The following LRIF1 variants were observed in gnomAD, a reference collection of about 807,000 sequenced individuals.
The protein encoded by LRIF1 is ligand dependent nuclear receptor interacting factor 1, also known as ligand-dependent nuclear receptor-interacting factor 1.
In LRIF1, 32 loss-of-function variants were observed where a neutral mutation model predicts 52.7. The ratio of observed to expected loss-of-function variants is 0.61; its 90% confidence interval spans 0.46 to 0.82. LRIF1 has a LOEUF of 0.82. LRIF1 is among the 40% of genes least tolerant of loss of function. LRIF1 has a pLI of 0.00. For synonymous variants in LRIF1, 323 were observed against 317.4 expected (o/e 1.02, Z -0.19); for missense variants, 887 against 892.0 (o/e 0.99, Z 0.07).
chr1:110,891,575 T>C, the LRIF1 span: 1 of 839,168 alleles, frequency 1.2e-6, no homozygotes, highest in Non-Finnish European at 2.1e-6. Context: ...GCATGCGTGT[T>C]TGGGTCATGT....
At chr1:110,886,670 G>A in the LRIF1 span, among the ~76,000 whole-genome samples, 1 of 151,802 alleles carries the variant, frequency 6.6e-6, no homozygotes, top group Non-Finnish European at 1.5e-5. Flanking sequence ...CCAACATGGT[G>A]AAACCCTGTC....
At chr1:110,904,393 G>A in the LRIF1 span, among the ~76,000 whole-genome samples, 536 of 152,242 alleles carry the variant, frequency 3.5e-3, 1 homozygote, top group African/African-American at 9.2e-3. Context: ...TGACACAGGC[G>A]TGCTTGTGTC....
At chr1:110,920,438 C>T in the LRIF1 span, among the ~76,000 whole-genome samples, 1 of 152,172 alleles carries the variant, frequency 6.6e-6, no homozygotes, top group Non-Finnish European at 1.5e-5. Context: ...AATGTGAAGG[C>T]TACCTAATGT....
At chr1:110,906,304 G>A in the LRIF1 span, among the ~76,000 whole-genome samples, 2 of 152,220 alleles carry the variant, frequency 1.3e-5, no homozygotes, top group Admixed American at 6.5e-5. Flanking sequence ...CCAGCACTTT[G>A]AGAGGTTGAA....
At chr1:110,899,035 C>T in the LRIF1 span, 8 of 924,924 alleles carry the variant, frequency 8.6e-6, no homozygotes, top group East Asian at 2.5e-5. Flanking sequence ...GTAATGGATA[C>T]ATTCTTTTTC....
Position 110,949,994 on chromosome 1 carries a change from G to T in LRIF1, c.1726C>A (p.Leu576Ile). Residue 576 changes from leucine to isoleucine, a missense_variant, in exon 3 of 4, where the codon CTT (leucine) becomes ATT (isoleucine). Coordinates refer to ENST00000369763, the MANE Select transcript of LRIF1 (RefSeq NM_018372.4). The part of the protein sequence containing the change: ...SDAEFKKIFG[L>I]TKDLRVCLTR... ...AGGCACACTCTCAAATCCTTAGTAA[G>T]GCCAAATATCTTTTTAAATTCAGCA... 1 of 1,614,084 alleles carries T rather than the reference G, an allele frequency of 6.2e-7. No individual in the cohort carries two copies. Among genetic ancestry groups the T allele is most frequent in the Non-Finnish European group, 8.5e-7 (1 of 1,180,012 alleles).
At chr1:110,932,317 C>A in the LRIF1 span, among the ~76,000 whole-genome samples, 1 of 152,116 alleles carries the variant, frequency 6.6e-6, no homozygotes, top group Non-Finnish European at 1.5e-5. Context: ...ATTTCTGATG[C>A]CTCTGTACTG....
chr1:110,923,977 A>T, the LRIF1 span, among the ~76,000 whole-genome samples: 1 of 152,166 alleles, frequency 6.6e-6, no homozygotes, highest in Non-Finnish European at 1.5e-5. Flanking sequence ...GCAAAAATGA[A>T]ATTTTCTGGT....
the LRIF1 span, among the ~76,000 whole-genome samples, chr1:110,895,369 G>A: frequency 2.0e-5 from 3 of 152,200 alleles, no homozygotes; most frequent in African/African-American, 7.2e-5. Flanking sequence ...ACTGAAAACA[G>A]CATTGTATAA....
At chr1:110,954,795 TAA>T (rs1461195549) in intron 1 of LRIF1, among the ~76,000 whole-genome samples, 1 of 152,200 alleles carries the variant, frequency 6.6e-6, no homozygotes, top group Non-Finnish European at 1.5e-5. Flanking sequence ...TCTTATATTT[TAA>T]TTGATTTTTA....
At chr1:110,877,088 T>G in the LRIF1 span, among the ~76,000 whole-genome samples, 381 of 152,338 alleles carry the variant, frequency 2.5e-3, 1 homozygote, top group African/African-American at 8.8e-3. Flanking sequence ...TCTTTAATAT[T>G]CTTTATAGCA....
At chr1:110,963,045 C>T (rs1360122642) in intron 1 of LRIF1, among the ~76,000 whole-genome samples, 1 of 152,136 alleles carries the variant, frequency 6.6e-6, no homozygotes, top group Non-Finnish European at 1.5e-5. Flanking sequence ...TTCATTACAC[C>T]CTACTTCAAA....
chr1:110,898,049 C>T, the LRIF1 span, among the ~76,000 whole-genome samples: 1 of 152,142 alleles, frequency 6.6e-6, no homozygotes, highest in Admixed American at 6.5e-5. Flanking sequence ...ATGTAATTAA[C>T]AATTTGCTTT....
chr1:110,960,856 T>C (rs780726990), intron 1 of LRIF1, among the ~76,000 whole-genome samples: 23 of 152,346 alleles, frequency 1.5e-4, no homozygotes, highest in African/African-American at 3.4e-4. Flanking sequence ...AGGATCCTTA[T>C]ATGTAGATCA....
At chr1:110,893,484 G>A in the LRIF1 span, among the ~76,000 whole-genome samples, 2 of 152,186 alleles carry the variant, frequency 1.3e-5, no homozygotes, top group Admixed American at 6.5e-5. Context: ...CACCATGTCC[G>A]GCTAATTCTG....
At chr1:110,944,591 A>T (rs1658159495), downstream of LRIF1, 1 of 152,274 alleles carries the variant, frequency 6.6e-6, no homozygotes, top group South Asian at 2.1e-4. Context: ...GGGATCAGCA[A>T]GGAGACTGAG....
At chr1:110,902,987 G>A in the LRIF1 span, among the ~76,000 whole-genome samples, 1 of 152,266 alleles carries the variant, frequency 6.6e-6, no homozygotes, top group Non-Finnish European at 1.5e-5. Context: ...CAGCAATTGT[G>A]TGGCACTGAA....
chr1:110,907,502 C>G, the LRIF1 span, among the ~76,000 whole-genome samples: 1 of 152,100 alleles, frequency 6.6e-6, no homozygotes, highest in Non-Finnish European at 1.5e-5. Flanking sequence ...GTAATCCCAG[C>G]ACTTTGGGAG....
chr1:110,953,161 C>G (rs1287358642), intron 1 of LRIF1, among the ~76,000 whole-genome samples: 2 of 152,124 alleles, frequency 1.3e-5, no homozygotes, highest in Non-Finnish European at 1.5e-5. Context: ...ATTCCTTCCT[C>G]TTGTCCTCCT....
Sources: gnomAD v4.1 joint callset for allele counts (sites outside exome capture counted in the v4.1 genomes callset) on GRCh38, gnomAD v4.1.1 for gene constraint, MANE v1.5 for transcripts, NCBI Gene and HGNC (gene_info 2026-07-23, HGNC 2026-07-21) for gene names.